The following CAPN8 variants were observed in gnomAD, a reference collection of about 807,000 sequenced individuals.
CAPN8 encodes the protein calpain 8.
Under a neutral mutation model 80.9 loss-of-function variants are expected in CAPN8, and 87 were observed. That is an observed-to-expected ratio of 1.07 (90% CI 0.90 to 1.28). The LOEUF (loss-of-function observed/expected upper bound fraction) is 1.28, where lower values mean the gene tolerates loss of function less well. Ranked by LOEUF, CAPN8 falls within the 50% of genes most tolerant of loss-of-function variation. The pLI, the probability that CAPN8 is intolerant of heterozygous loss-of-function variation, is 0.00. For missense variants in CAPN8, 757 were observed against 702.0 expected (o/e 1.08, Z -0.89); for synonymous variants, 299 against 273.8 (o/e 1.09, Z -0.91).
intron 2 of CAPN8, among the ~76,000 whole-genome samples, chr1:223,635,019 C>T (rs1657877235): frequency 6.6e-6 from 1 of 152,238 alleles, no homozygotes; most frequent in Non-Finnish European, 1.5e-5. Flanking sequence ...TGGGGCTCCT[C>T]AGCAAGCTGA....
intron 1 of CAPN8, among the ~76,000 whole-genome samples, chr1:223,659,914 C>A (rs1043271466): frequency 6.6e-6 from 1 of 152,290 alleles, no homozygotes; most frequent in Non-Finnish European, 1.5e-5. Flanking sequence ...CACTCTGTGG[C>A]CTGCCAGCTG....
chr1:223,629,048 T>C (rs1657692861), intron 2 of CAPN8: 1 of 431,362 alleles, frequency 2.3e-6, no homozygotes, highest in Admixed American at 4.0e-5. Context: ...CTCCTACACA[T>C]TCAGCCAGTG....
At chr1:223,556,172 C>T (rs959087264) in intron 13 of CAPN8, among the ~76,000 whole-genome samples, 12 of 152,174 alleles carry the variant, frequency 7.9e-5, no homozygotes, top group Admixed American at 2.0e-4. Flanking sequence ...TGATTATGCT[C>T]TTTGAATGTC....
At chr1:223,544,329 G>A in intron 18 of CAPN8, 146 bp from the exon 19 acceptor site, 1 of 612,154 alleles carries the variant, frequency 1.6e-6, no homozygotes, top group Non-Finnish European at 2.9e-6. Flanking sequence ...TTCTCCAGGG[G>A]ATCCCAGAAG....
chr1:223,637,847 C>T (rs78342630), intron 2 of CAPN8, among the ~76,000 whole-genome samples: 3,169 of 152,300 alleles, frequency 0.021, 104 homozygotes, highest in African/African-American at 0.072. Flanking sequence ...TGGACCCTTA[C>T]TTGCCTGCTG....
At chr1:223,622,650 T>C in intron 7 of CAPN8, 165 bp downstream of exon 7, 2 of 621,066 alleles carry the variant, frequency 3.2e-6, no homozygotes, top group Admixed American at 3.0e-5. Context: ...ATTTTGCTTT[T>C]CCCAGCCTGG....
In CAPN8 at chr1:223,558,897, A is replaced by G. The variant is rs1275841582; in HGVS notation, c.1536-730T>C. ...GTGTAGTGTGTATAGTGTGTGCAGT[A>G]TGTGATGTGTGTGATATGTAATACA... On this transcript the variant is annotated intron_variant, in intron 12 of 20. Coordinates refer to ENST00000366872, the MANE Select transcript of CAPN8 (RefSeq NM_001143962.2). 2.8e-5 allele frequency among the ~76,000 whole-genome samples: 4 copies of G among 144,854 alleles called. No homozygotes were observed. The Admixed American group carries it at 2.8e-4, about 10-fold the overall frequency.
intron 3 of CAPN8, 32 bp from the exon 4 acceptor site, chr1:223,628,174 T>G: frequency 6.6e-7 from 1 of 1,521,760 alleles, no homozygotes; most frequent in Non-Finnish European, 8.9e-7. Flanking sequence ...GCTGCTCACA[T>G]GAATAAGCAG....
intron 1 of CAPN8, among the ~76,000 whole-genome samples, chr1:223,662,621 G>A (rs1658677376): frequency 6.6e-6 from 1 of 152,150 alleles, no homozygotes; most frequent in Non-Finnish European, 1.5e-5. Flanking sequence ...TGTACTTAAT[G>A]CCACTGAACT....
chr1:223,648,367 T>C (rs541997321), intron 2 of CAPN8, among the ~76,000 whole-genome samples: 5 of 152,330 alleles, frequency 3.3e-5, no homozygotes, highest in Non-Finnish European at 7.3e-5. Flanking sequence ...AATGAGTAGA[T>C]TTGGCCCTTT....
chr1:223,552,914 A>C (rs900486086), intron 14 of CAPN8, among the ~76,000 whole-genome samples: 1 of 152,222 alleles, frequency 6.6e-6, no homozygotes, highest in African/African-American at 2.4e-5. Flanking sequence ...GTTAGCAAAA[A>C]TACTGGCCTG....
intron 1 of CAPN8, among the ~76,000 whole-genome samples, 169 bp from the exon 2 acceptor site, chr1:223,654,568 G>A (rs1658427391): frequency 6.6e-6 from 1 of 152,232 alleles, no homozygotes; most frequent in Admixed American, 6.5e-5. Context: ...GAGAGGGGAT[G>A]AGCCCTGGTC....
intron 17 of CAPN8, 79 bp from the exon 18 acceptor site, chr1:223,544,929 T>C: frequency 6.5e-7 from 1 of 1,545,798 alleles, no homozygotes; most frequent in Non-Finnish European, 8.7e-7. Flanking sequence ...ACCACACTGC[T>C]TTCTCAAAAG....
At chr1:223,558,600 T>A (rs1173817074) in intron 12 of CAPN8, among the ~76,000 whole-genome samples, 1 of 152,024 alleles carries the variant, frequency 6.6e-6, no homozygotes, top group Non-Finnish European at 1.5e-5. Flanking sequence ...GTGTGTCATA[T>A]GTATGTGGTA....
chr1:223,553,030 T>C (rs1656830616), intron 14 of CAPN8, among the ~76,000 whole-genome samples: 2 of 152,214 alleles, frequency 1.3e-5, no homozygotes, highest in Non-Finnish European at 2.9e-5. Flanking sequence ...GATTCTGATA[T>C]CTTTTCTTCT....
chr1:223,614,108 G>T (rs1394205995), intron 10 of CAPN8, among the ~76,000 whole-genome samples: 1 of 152,210 alleles, frequency 6.6e-6, no homozygotes, highest in South Asian at 2.1e-4. Context: ...GGTTATATAA[G>T]GTAGGCCTGG....
At chr1:223,626,024 C>A in intron 5 of CAPN8, 136 bp from the exon 6 acceptor site, 1 of 647,708 alleles carries the variant, frequency 1.5e-6, no homozygotes, top group East Asian at 2.8e-5. Flanking sequence ...TGGCTATGAA[C>A]CTCAGGTAAA....
chr1:223,659,492 C>T (rs575067150), intron 1 of CAPN8, among the ~76,000 whole-genome samples: 15 of 152,142 alleles, frequency 9.9e-5, no homozygotes, highest in Admixed American at 5.2e-4. Context: ...CACTTGCTCC[C>T]GATGCACTGC....
chr1:223,630,274 G>GTC (rs961235622), intron 2 of CAPN8, among the ~76,000 whole-genome samples: 1 of 147,806 alleles, frequency 6.8e-6, no homozygotes, highest in Non-Finnish European at 1.5e-5. Flanking sequence ...TTGTCTGTCT[G>GTC]TCTCTCTCTC....
Sources: allele counts gnomAD v4.1 joint callset (sites outside exome capture counted in the v4.1 genomes callset), GRCh38; gene constraint gnomAD v4.1.1; transcripts MANE v1.5; gene names NCBI Gene and HGNC (gene_info 2026-07-23, HGNC 2026-07-21).